Variants in KAZN observed in about 807,000 individuals in gnomAD.
KAZN encodes the protein kazrin, periplakin interacting protein, also known as kazrin.
Under a neutral mutation model 87.4 loss-of-function variants are expected in KAZN, and 40 were observed. That is an observed-to-expected ratio of 0.46 (90% CI 0.36 to 0.60). The LOEUF (loss-of-function observed/expected upper bound fraction) is 0.60, where lower values mean the gene tolerates loss of function less well. Ranked by LOEUF, KAZN falls within the 20% of genes least tolerant of loss-of-function variation. The probability of loss-of-function intolerance (pLI) is 0.00; values close to 1 mark genes in which losing one functional copy is unlikely to be tolerated. For missense variants in KAZN, 898 were observed against 1,073.9 expected (o/e 0.84, Z 2.29); for synonymous variants, 466 against 458.3 (o/e 1.02, Z -0.22).
intron 1 of KAZN, among the ~76,000 whole-genome samples, chr1:14,151,178 TA>T (rs923300272): frequency 2.0e-4 from 29 of 146,630 alleles, no homozygotes; most frequent in African/African-American, 7.3e-4. Flanking sequence ...GGGTGTTTAC[TA>T]ATTCTGTTTC....
intron 1 of KAZN, among the ~76,000 whole-genome samples, chr1:14,098,513 A>C (rs1644179046): frequency 6.6e-6 from 1 of 152,212 alleles, no homozygotes; most frequent in Non-Finnish European, 1.5e-5. Context: ...CTGCATGAAA[A>C]GGGGTTGCTG....
rs1203709245 is a variant in KAZN at position 14,919,151 on chromosome 1, C to T, written c.227-41533C>T. ...AAGCCAGCCCTTCGAACCTCCAGAA[C>T]ACTCAGATGCAGAGACAGGAGGCAC... On this transcript the variant is annotated intron_variant, in intron 1 of 14. Transcript: ENST00000376030. Among the ~76,000 whole-genome samples, 5 of 152,278 alleles carry T rather than the reference C, an allele frequency of 3.3e-5. No individual in the cohort carries two copies. In the East Asian group the frequency reaches 7.7e-4, roughly 24 times the overall value.
At chr1:14,364,789 T>C (rs989940369) in intron 2 of KAZN, among the ~76,000 whole-genome samples, 1 of 152,218 alleles carries the variant, frequency 6.6e-6, no homozygotes, top group Non-Finnish European at 1.5e-5. Context: ...GTTCCTTGTC[T>C]CTTTCAGCTC....
At chr1:14,891,133 C>T (rs1286541855) in intron 1 of KAZN, among the ~76,000 whole-genome samples, 3 of 152,014 alleles carry the variant, frequency 2.0e-5, no homozygotes, top group Admixed American at 6.6e-5. Flanking sequence ...TGTGAGCCAC[C>T]GCGCCTGGCA....
intron 8 of KAZN, among the ~76,000 whole-genome samples, chr1:15,074,264 C>A (rs1252439907): frequency 1.3e-5 from 2 of 152,252 alleles, no homozygotes; most frequent in Non-Finnish European, 2.9e-5. Context: ...CGCCTCCCTG[C>A]CCTTTAGCCC....
chr1:14,110,151 C>T lies in KAZN; in HGVS notation c.92-70284C>T. 2.5e-5 allele frequency among the ~76,000 whole-genome samples: 2 copies of T among 78,462 alleles called. 1 individual carries two copies. The highest frequency in any genetic ancestry group is 5.2e-5 in the Non-Finnish European group (2 of 38,374). The allele number at this position is 78,462 out of a possible 152,430, so 51.5% of individuals were successfully genotyped here. A position where few individuals can be genotyped will look rare whatever the true frequency, so the allele number is the denominator to read the frequency against. ...ACTGTTTTTGAAAAATGCATTTAGTCAGCAGGGTGGTTTTTGTCCACATCC... is the reference window on the plus strand; with the variant it reads ...ACTGTTTTTGAAAAATGCATTTAGTTAGCAGGGTGGTTTTTGTCCACATCC... On this transcript the variant is annotated intron_variant, in intron 1 of 16. Transcript: ENST00000636203.
intron 2 of KAZN, among the ~76,000 whole-genome samples, chr1:14,323,517 T>C (rs1368244975): frequency 2.6e-5 from 4 of 152,156 alleles, no homozygotes; most frequent in Non-Finnish European, 5.9e-5. Flanking sequence ...ATGTCAGATC[T>C]GGATCCAGAA....
intron 1 of KAZN, among the ~76,000 whole-genome samples, chr1:14,809,693 C>T (rs928364073): frequency 6.6e-6 from 1 of 152,176 alleles, no homozygotes; most frequent in African/African-American, 2.4e-5. Flanking sequence ...GTAACCCCAG[C>T]CTTGGAGGGC....
At chr1:14,768,337 C>CCAAG (rs1644938079) in intron 1 of KAZN, among the ~76,000 whole-genome samples, 1 of 152,098 alleles carries the variant, frequency 6.6e-6, no homozygotes, top group Non-Finnish European at 1.5e-5. Context: ...ATCTCATGTG[C>CCAAG]CAAGATCAAT....
Position 14,371,304 on chromosome 1 carries a change from C to T in KAZN, c.249+190712C>T, listed in dbSNP as rs118072994. ...TTATGGGGGGCAAATGAAAACTTTC[C>T]GTCTCTTGAGTTCTTCACTGTGGTA... is the stretch of plus-strand genomic sequence containing the variant. On this transcript the variant is annotated intron_variant, in intron 2 of 16. Transcript: ENST00000636203. 2.1e-4 allele frequency among the ~76,000 whole-genome samples: 32 copies of T among 152,228 alleles called. No individual in the cohort carries two copies. In the East Asian group the frequency reaches 2.3e-3, roughly 11 times the overall value.
chr1:14,643,532 T>G (rs533557966), intron 1 of KAZN, among the ~76,000 whole-genome samples: 72 of 152,382 alleles, frequency 4.7e-4, no homozygotes, highest in African/African-American at 1.5e-3. Flanking sequence ...TATTCCATGA[T>G]GTTTATGTAC....
intron 2 of KAZN, among the ~76,000 whole-genome samples, chr1:14,976,112 G>T (rs1218312064): frequency 2.0e-5 from 3 of 150,064 alleles, no homozygotes; most frequent in Non-Finnish European, 1.5e-5. Flanking sequence ...CTGCACAGCC[G>T]CACACTGCGA....
At chr1:14,801,002 T>C (rs777091359) in intron 1 of KAZN, among the ~76,000 whole-genome samples, 2 of 151,306 alleles carry the variant, frequency 1.3e-5, no homozygotes, top group African/African-American at 2.4e-5. Flanking sequence ...AAACACTGAA[T>C]TGTACACTTT....
At chr1:14,365,343 C>T (rs1157379768) in intron 2 of KAZN, among the ~76,000 whole-genome samples, 4 of 141,760 alleles carry the variant, frequency 2.8e-5, no homozygotes, top group African/African-American at 8.0e-5. Context: ...CACCGCGCCC[C>T]GGCGCCCACC....
intron 1 of KAZN, among the ~76,000 whole-genome samples, chr1:14,030,960 TAAGGTC>T (rs1460343392): frequency 6.6e-6 from 1 of 152,106 alleles, no homozygotes; most frequent in Non-Finnish European, 1.5e-5. Context: ...ATATTTATTT[TAAGGTC>T]ATGAATTTCT....
At chr1:14,596,791 G>A (rs148427782), upstream of KAZN, among the ~76,000 whole-genome samples, 163 of 152,194 alleles carry the variant, frequency 1.1e-3, no homozygotes, top group East Asian at 0.016. Context: ...TACTCTTCAC[G>A]GCTGAGTAAT....
chr1:14,793,253 G>A lies in KAZN; in HGVS notation c.227-167431G>A, dbSNP rs187843536. 5.9e-5 allele frequency among the ~76,000 whole-genome samples: 9 copies of A among 152,292 alleles called. No homozygotes were observed. The East Asian group carries it at 1.5e-3, about 26-fold the overall frequency. ...CCAGGCGATGGCATCTCCGGGGGTA[G>A]CCTGGCTTTGCTAGACCAAGGAAAG... On this transcript the variant is annotated intron_variant, in intron 1 of 14. Transcript: ENST00000376030.
Position 14,732,583 on chromosome 1 carries a change from G to A in KAZN, c.226+133360G>A, listed in dbSNP as rs1419451212. On this transcript the variant is annotated intron_variant, in intron 1 of 14. Transcript: ENST00000376030. Reference sequence around the variant, plus strand: ...GAGCCCAGCAGGCAGAGGTTGCAGCGAGCCAAGATTGCACCACTACACTCC... The same window carrying A: ...GAGCCCAGCAGGCAGAGGTTGCAGCAAGCCAAGATTGCACCACTACACTCC... Among the ~76,000 whole-genome samples, 7 of 152,272 alleles carry A rather than the reference G, an allele frequency of 4.6e-5. No individual in the cohort carries two copies. In the East Asian group the frequency reaches 1.4e-3, roughly 29 times the overall value.
chr1:14,951,918 G>T (rs1662527406), intron 1 of KAZN, among the ~76,000 whole-genome samples: 1 of 152,182 alleles, frequency 6.6e-6, no homozygotes, highest in Non-Finnish European at 1.5e-5. Flanking sequence ...GGCCAAGGGA[G>T]CACTCACAAC....
Sources: gnomAD v4.1 joint callset for allele counts (sites outside exome capture counted in the v4.1 genomes callset) on GRCh38, gnomAD v4.1.1 for gene constraint, MANE v1.5 for transcripts, NCBI Gene and HGNC (gene_info 2026-07-23, HGNC 2026-07-21) for gene names.